The following TENM2 variants were observed in gnomAD, a reference collection of about 807,000 sequenced individuals.
TENM2 encodes the protein teneurin transmembrane protein 2, also known as teneurin-2.
Under a neutral mutation model 245.2 loss-of-function variants are expected in TENM2, and 52 were observed. That is an observed-to-expected ratio of 0.21 (90% CI 0.17 to 0.27). The LOEUF is 0.27. Ranked by LOEUF, TENM2 falls within the 10% of genes least tolerant of loss-of-function variation. TENM2 has a pLI of 1.00. For missense variants in TENM2, 3,046 were observed against 3,666.8 expected (o/e 0.83, Z 4.37); for synonymous variants, 1,363 against 1,438.9 (o/e 0.95, Z 1.19).
rs544527335 is a variant in TENM2, at chr5:167,390,059, T to C, written c.502+14586T>C. Among the ~76,000 whole-genome samples the C allele has an allele frequency of 3.9e-5, 6 of 152,334 alleles. No homozygotes were observed. The South Asian group carries it at 1.0e-3, about 26-fold the overall frequency. On this transcript the variant is annotated intron_variant, in intron 2 of 28. Transcript: ENST00000518659. ...GATCCCAGGTCCTATTGTACCTTAT[T>C]GTTTATACAAATGCTTAAAAAGTGT...
chr5:167,597,471 C>G (rs975216148), intron 2 of TENM2, among the ~76,000 whole-genome samples: 3 of 152,152 alleles, frequency 2.0e-5, no homozygotes, highest in African/African-American at 7.2e-5. Context: ...CGTGAGCCAC[C>G]ATGCCCCATC....
At chr5:167,006,090 C>G in the TENM2 span, among the ~76,000 whole-genome samples, 1 of 152,110 alleles carries the variant, frequency 6.6e-6, no homozygotes, top group Non-Finnish European at 1.5e-5. Flanking sequence ...CCCAAAACGC[C>G]TGCAGTTTTG....
At chr5:167,016,071 G>T in the TENM2 span, among the ~76,000 whole-genome samples, 1 of 151,790 alleles carries the variant, frequency 6.6e-6, no homozygotes, top group Non-Finnish European at 1.5e-5. Flanking sequence ...TAGCTAACAC[G>T]ATGAAACTCC....
intron 2 of TENM2, among the ~76,000 whole-genome samples, chr5:167,559,343 AT>A (rs1219511314): frequency 2.0e-5 from 3 of 152,140 alleles, no homozygotes; most frequent in Non-Finnish European, 2.9e-5. Flanking sequence ...CATCCCCTTC[AT>A]TCTGACCCCC....
intron 4 of TENM2, among the ~76,000 whole-genome samples, chr5:167,965,761 A>C (rs780777194): frequency 6.6e-6 from 1 of 152,186 alleles, no homozygotes; most frequent in Non-Finnish European, 1.5e-5. Context: ...ATCCATATTT[A>C]AAATACAGGG....
chr5:167,665,938 A>G (rs1466394197), intron 2 of TENM2, among the ~76,000 whole-genome samples: 1 of 152,180 alleles, frequency 6.6e-6, no homozygotes, highest in African/African-American at 2.4e-5. Flanking sequence ...AGCAGATAAT[A>G]CAAGACAGGG....
At chr5:168,219,132 T>A in intron 23 of TENM2, 133 bp downstream of exon 25, 3 of 838,364 alleles carry the variant, frequency 3.6e-6, no homozygotes, top group Non-Finnish European at 3.7e-6. Context: ...TCTTATGGCC[T>A]CAAGACATTC....
Position 168,227,904 on chromosome 5 carries a change from G to A in TENM2, c.5294G>A (p.Arg1765Gln), listed in dbSNP as rs372969514. 44 of 1,590,512 alleles carry A rather than the reference G, an allele frequency of 2.8e-5. No individual in the cohort carries two copies. Among genetic ancestry groups the A allele is most frequent in the Middle Eastern group, 1.7e-4 (1 of 6,008 alleles). ...ACTTACATTTTTCCAGATCAAGTTC[G>A]GAACAGCTACCAGCTCTGTAATAAT... The change falls in exon 25 of 29, where the codon CGG becomes CAG. Residue 1765 changes from arginine to glutamine, a missense_variant. Physicochemically the swap from Arg to Gln is conservative, Grantham distance 43 (BLOSUM62 1). Coordinates refer to ENST00000518659, the Ensembl canonical transcript of TENM2.
intron 9 of TENM2, among the ~76,000 whole-genome samples, chr5:168,103,673 GA>G (rs995543960): frequency 2.6e-5 from 4 of 152,132 alleles, no homozygotes; most frequent in Admixed American, 6.5e-5. Context: ...ATTTTAATCA[GA>G]AAAAAAGTAA....
At chr5:167,931,561 A>AC (rs1778290978) in intron 3 of TENM2, among the ~76,000 whole-genome samples, 1 of 151,868 alleles carries the variant, frequency 6.6e-6, no homozygotes, top group Non-Finnish European at 1.5e-5. Context: ...GAAAAAAAAA[A>AC]AAAAAAAAAA....
chr5:167,477,415 A>C (rs1304473377), intron 2 of TENM2, among the ~76,000 whole-genome samples: 1 of 128,280 alleles, frequency 7.8e-6, no homozygotes, highest in Admixed American at 8.2e-5. Flanking sequence ...AATAGTTATG[A>C]TCTCCAGGCC....
At chr5:168,158,829 G>GTGTATATATA (rs1397260649) in intron 12 of TENM2, among the ~76,000 whole-genome samples, 1 of 63,718 alleles carries the variant, frequency 1.6e-5, no homozygotes, top group Non-Finnish European at 3.0e-5. Context: ...GTGTGTGTGT[G>GTGTATATATA]TATATATATA....
the TENM2 span, among the ~76,000 whole-genome samples, chr5:167,064,291 C>T: frequency 5.0e-3 from 761 of 152,238 alleles, 5 homozygotes; most frequent in Middle Eastern, 0.017. Context: ...CAAACTTCCA[C>T]GGCCCAATTT....
chr5:168,001,656 A>G (rs886387808), intron 5 of TENM2, among the ~76,000 whole-genome samples: 3 of 152,210 alleles, frequency 2.0e-5, no homozygotes, highest in African/African-American at 4.8e-5. Context: ...TAAAACATAC[A>G]TGTTTCTTTT....
chr5:167,228,396 G>T, the TENM2 span, among the ~76,000 whole-genome samples: 1 of 151,518 alleles, frequency 6.6e-6, no homozygotes, highest in Non-Finnish European at 1.5e-5. Context: ...GTATTTCATT[G>T]AATAAGTTCT....
chr5:168,019,953 G>A (rs1028431007), intron 5 of TENM2, among the ~76,000 whole-genome samples: 1 of 152,224 alleles, frequency 6.6e-6, no homozygotes, highest in Non-Finnish European at 1.5e-5. Context: ...GCAAGGAACA[G>A]TGGAACTACA....
intron 1 of TENM2, among the ~76,000 whole-genome samples, chr5:167,354,927 G>A (rs1304404604): frequency 3.3e-5 from 5 of 152,128 alleles, no homozygotes; most frequent in African/African-American, 9.7e-5. Context: ...ACACATATTT[G>A]CCATTGAGTA....
intron 2 of TENM2, among the ~76,000 whole-genome samples, chr5:167,503,009 T>C (rs1051480441): frequency 3.9e-5 from 6 of 152,178 alleles, no homozygotes; most frequent in South Asian, 2.1e-4. Flanking sequence ...TTTGTATTTT[T>C]AGTAAATGGA....
At chr5:167,151,506 G>T in the TENM2 span, among the ~76,000 whole-genome samples, 1 of 152,092 alleles carries the variant, frequency 6.6e-6, no homozygotes, top group Admixed American at 6.6e-5. Flanking sequence ...AAAAGCAAAT[G>T]CTTTTCTTCT....
Sources: gnomAD v4.1 joint callset for allele counts (sites outside exome capture counted in the v4.1 genomes callset) on GRCh38, gnomAD v4.1.1 for gene constraint, MANE v1.5 for transcripts, NCBI Gene and HGNC (gene_info 2026-07-23, HGNC 2026-07-21) for gene names.